Variants in KPNA2 observed in about 807,000 individuals in gnomAD.
KPNA2 encodes the protein karyopherin subunit alpha 2.
A neutral mutation model predicts 53.7 loss-of-function variants in KPNA2; 20 were observed. The observed-to-expected ratio is 0.37, with a 90% CI of 0.26 to 0.54. The LOEUF (loss-of-function observed/expected upper bound fraction) is 0.54. Among genes scored for constraint, KPNA2 ranks in the 20% least tolerant of loss-of-function variants. The pLI is 0.83. For synonymous variants in KPNA2, 238 were observed against 227.5 expected (o/e 1.05, Z -0.42); for missense variants, 515 against 640.3 (o/e 0.80, Z 2.11).
intron 4 of KPNA2, 122 bp from the exon 5 acceptor site, chr17:68,041,963 G>A (rs914071729): frequency 6.4e-6 from 5 of 784,894 alleles, no homozygotes; most frequent in Non-Finnish European, 1.0e-5. Flanking sequence ...TCAGCATTTA[G>A]TGATTTACTT....
At chr17:68,042,738 C>G (rs1010531871) in intron 5 of KPNA2, among the ~76,000 whole-genome samples, 167 bp from the exon 6 acceptor site, 1 of 151,828 alleles carries the variant, frequency 6.6e-6, no homozygotes, top group Non-Finnish European at 1.5e-5. Flanking sequence ...AAAAATTAGC[C>G]GGGCGTGGCG....
chr17:68,045,090 TAAAAAAAA>T (rs554471695), intron 9 of KPNA2, among the ~76,000 whole-genome samples: 61 of 130,396 alleles, frequency 4.7e-4, no homozygotes, highest in African/African-American at 1.7e-3. Context: ...GAAACTGTCT[TAAAAAAAA>T]AAAAAAAAAA....
At chr17:68,037,543 A>G (rs889505499) in intron 3 of KPNA2, 48 bp downstream of exon 3, 2 of 1,559,186 alleles carry the variant, frequency 1.3e-6, no homozygotes, top group Non-Finnish European at 1.8e-6. Context: ...CCAGAAAATC[A>G]GTAGGGACTT....
At chr17:68,042,817 TCG>T in intron 5 of KPNA2, 86 bp from the exon 6 acceptor site, 1 of 980,296 alleles carries the variant, frequency 1.0e-6, no homozygotes, top group East Asian at 2.4e-5. Context: ...TGAGCCGAGA[TCG>T]CGCCACTGCA....
chr17:68,045,942 T>C (rs1400432309), intron 10 of KPNA2, 21 bp downstream of exon 10: 3 of 1,467,022 alleles, frequency 2.0e-6, no homozygotes, highest in African/African-American at 1.4e-5. Context: ...GATGGTAATA[T>C]TAATAACAAC....
Position 68,043,993 on chromosome 17 carries a change from C to A in KPNA2, c.1086C>A (p.Ile362=). The change falls in exon 8 of 11, where the codon ATC becomes ATA. Residue 362 remains isoleucine (I), a synonymous_variant. Coordinates refer to ENST00000330459, the MANE Select transcript of KPNA2 (RefSeq NM_002266.4). ...AAGCTACGTGGACAATGTCAAACAT[C>A]ACAGCCGGCCGCCAGGACCAGATAC... ...QKEATWTMSN[I]TAGRQDQIQQ... 6.2e-7 allele frequency: 1 copy of A among 1,613,988 alleles called. No homozygotes were observed. The highest frequency in any genetic ancestry group is 8.5e-7 in the Non-Finnish European group (1 of 1,179,886).
At position 68,037,431 on chromosome 17, in the gene KPNA2, G is replaced by C; in HGVS notation, c.149G>C (p.Arg50Thr). The C allele has an allele frequency of 1.2e-6, 2 of 1,613,858 alleles. No homozygotes were observed. Among genetic ancestry groups the C allele is most frequent in the East Asian group, 2.2e-5 (1 of 44,898 alleles). The change falls in exon 3 of 11, where the codon AGG becomes ACG. Residue 50 changes from arginine to threonine, a missense_variant. Physicochemically the swap from Arg to Thr is moderately conservative, Grantham distance 71. Transcript: ENST00000330459. ...AAGAAGGATGACCAGATGCTGAAGAGGAGAAATGTAAGCTCATTTCCTGAT... is the reference window on the plus strand; with the variant it reads ...AAGAAGGATGACCAGATGCTGAAGACGAGAAATGTAAGCTCATTTCCTGAT... ...KAKKDDQMLK[R>T]RNVSSFPDDA...
rs1302220108 is a variant in KPNA2, at chr17:68,044,563, T to G, written c.1347+60T>G. The G allele has an allele frequency of 4.9e-6, 7 of 1,430,672 alleles. No individual in the cohort carries two copies. In the Admixed American group the frequency reaches 1.3e-4, roughly 26 times the overall value. 88.6% of individuals were successfully genotyped at this position (1,430,672 alleles called of 1,614,324 possible). ...GACTTGATAATAATCAGTTTACTAT[T>G]TAGACTTGGGGGAGGGCAGCTGTAA... On this transcript the variant is annotated intron_variant, in intron 9 of 10. Transcript: ENST00000330459.
At chr17:68,037,326 A>G (rs1410698168) in intron 2 of KPNA2, 32 bp from the exon 3 acceptor site, 1 of 1,604,820 alleles carries the variant, frequency 6.2e-7, no homozygotes. Flanking sequence ...AACTGGTGTG[A>G]TAGGTGAAAC....
rs782341513 is a variant in KPNA2, at chr17:68,043,345, T to C, written c.912T>C (p.Ala304=). 2 of 1,614,112 alleles carry C rather than the reference T, an allele frequency of 1.2e-6. No individual in the cohort carries two copies. Among genetic ancestry groups the C allele is most frequent in the South Asian group, 2.2e-5 (2 of 91,084 alleles). ...CCCAACTTGTGAAGCTTCTAGGAGCTTCTGAATTGCCAATTGTGGTAAGTT... is the reference window on the plus strand; with the variant it reads ...CCCAACTTGTGAAGCTTCTAGGAGCCTCTGAATTGCCAATTGTGGTAAGTT... ...VVPQLVKLLG[A]SELPIVTPAL... The change falls in exon 7 of 11, where the codon GCT becomes GCC. Residue 304 remains alanine, a synonymous_variant. Coordinates refer to ENST00000330459, the MANE Select transcript of KPNA2 (RefSeq NM_002266.4).
chr17:68,041,904 T>C (rs1221330798), intron 4 of KPNA2, among the ~76,000 whole-genome samples, 181 bp from the exon 5 acceptor site: 1 of 152,220 alleles, frequency 6.6e-6, no homozygotes, highest in Non-Finnish European at 1.5e-5. Flanking sequence ...ACCGCATACA[T>C]AGCACCATAC....
chr17:68,039,075 A>G (rs1555704154), intron 3 of KPNA2, among the ~76,000 whole-genome samples: 2 of 151,988 alleles, frequency 1.3e-5, no homozygotes, highest in African/African-American at 2.4e-5. Flanking sequence ...TTTCAAATTT[A>G]TCTTTCATCT....
intron 10 of KPNA2, among the ~76,000 whole-genome samples, chr17:68,046,295 C>G (rs1468387698): frequency 6.6e-6 from 1 of 152,036 alleles, no homozygotes; most frequent in Non-Finnish European, 1.5e-5. Flanking sequence ...AAAAAAATCT[C>G]GGCCTGTTTG....
chr17:68,044,269 AT>A, intron 8 of KPNA2, 51 bp from the exon 9 acceptor site: 2 of 1,520,496 alleles, frequency 1.3e-6, no homozygotes, highest in Non-Finnish European at 1.8e-6. Flanking sequence ...TACTCTTGGA[AT>A]CTTATTTGTG....
chr17:68,037,238 G>T (rs782550400), intron 2 of KPNA2, 31 bp downstream of exon 2: 134 of 1,590,562 alleles, frequency 8.4e-5, no homozygotes, highest in Non-Finnish European at 1.1e-4. Flanking sequence ...TCCTGTGGTG[G>T]TATTTAAATG....
In KPNA2 at chr17:68,043,146, G is replaced by A. The variant is rs1555704877; in HGVS notation, c.713G>A (p.Arg238His). 2 of 1,613,896 alleles carry A rather than the reference G, an allele frequency of 1.2e-6. No homozygotes were observed. Among genetic ancestry groups the A allele is most frequent in the Non-Finnish European group, 1.7e-6 (2 of 1,179,988 alleles). The change falls in exon 7 of 11, where the codon CGC becomes CAC. Residue 238 changes from arginine to histidine, a missense_variant. Physicochemically the swap from Arg to His is conservative, Grantham distance 29. Transcript: ENST00000330459. Reference sequence around the variant, plus strand: ...ACCTGGACACTTTCTAATCTTTGCCGCAACAAGAATCCTGCACCCCCGATA... The same window carrying A: ...ACCTGGACACTTTCTAATCTTTGCCACAACAAGAATCCTGCACCCCCGATA... The part of the protein sequence containing the change: ...NLTWTLSNLC[R>H]NKNPAPPIDA...
chr17:68,039,760 A>G (rs1555704259), intron 3 of KPNA2, among the ~76,000 whole-genome samples: 1 of 126,814 alleles, frequency 7.9e-6, no homozygotes, highest in East Asian at 2.4e-4. Flanking sequence ...AGCCTGGGCA[A>G]GAAGAGCAAA....
At chr17:68,044,687 G>A (rs1372146269) in intron 9 of KPNA2, among the ~76,000 whole-genome samples, 184 bp downstream of exon 9, 6 of 152,126 alleles carry the variant, frequency 3.9e-5, no homozygotes, top group Admixed American at 3.3e-4. Context: ...CAAAAGAGAC[G>A]ACAAGTGGAT....
At position 68,042,124 on chromosome 17, in the gene KPNA2, C is replaced by A. The variant is rs782014989; in HGVS notation, c.342C>A (p.Asn114Lys). 2.5e-6 allele frequency: 4 copies of A among 1,613,980 alleles called. No individual in the cohort carries two copies. The highest frequency in any genetic ancestry group is 3.4e-6 in the Non-Finnish European group (4 of 1,179,826). ...GAGAAAAACAGCCCCCCATAGACAACATAATCCGGGCTGGTTTGATTCCGA... is the reference window on the plus strand; with the variant it reads ...GAGAAAAACAGCCCCCCATAGACAAAATAATCCGGGCTGGTTTGATTCCGA... ...LSREKQPPID[N>K]IIRAGLIPKF... Residue 114 changes from asparagine (N) to lysine (K), a missense_variant, in exon 5 of 11, where the codon AAC (asparagine) becomes AAA (lysine). Transcript: ENST00000330459.
Sources: gnomAD v4.1 joint callset for allele counts (sites outside exome capture counted in the v4.1 genomes callset) on GRCh38, gnomAD v4.1.1 for gene constraint, MANE v1.5 for transcripts, NCBI Gene and HGNC (gene_info 2026-07-23, HGNC 2026-07-21) for gene names.